Variants in SEC61A1 observed in about 807,000 individuals in gnomAD.
SEC61A1 encodes the protein SEC61 translocon subunit alpha 1, also known as protein transport protein Sec61 subunit alpha isoform 1.
A neutral mutation model predicts 55.2 loss-of-function variants in SEC61A1; 15 were observed. That is an observed-to-expected ratio of 0.27 (90% CI 0.18 to 0.42). The LOEUF is 0.42. Ranked by LOEUF, SEC61A1 falls within the 10% of genes least tolerant of loss-of-function variation. The pLI, the probability that SEC61A1 is intolerant of heterozygous loss-of-function variation, is 1.00. For missense variants in SEC61A1, 284 were observed against 602.6 expected (o/e 0.47, Z 5.53); for synonymous variants, 247 against 234.0 (o/e 1.06, Z -0.51).
chr3:128,053,851 A>C (rs1157760641), intron 2 of SEC61A1, among the ~76,000 whole-genome samples: 1 of 152,188 alleles, frequency 6.6e-6, no homozygotes. Context: ...AAATACGTGC[A>C]AGGTATAGCA....
At chr3:128,065,899 G>A (rs1040353487) in intron 8 of SEC61A1, among the ~76,000 whole-genome samples, 7 of 151,656 alleles carry the variant, frequency 4.6e-5, no homozygotes, top group African/African-American at 1.2e-4. Context: ...CTGTCACCAC[G>A]CCCGGCTAAT....
At chr3:128,055,828 G>T in intron 4 of SEC61A1, 77 bp downstream of exon 4, 1 of 1,174,836 alleles carries the variant, frequency 8.5e-7, no homozygotes, top group South Asian at 1.2e-5. Flanking sequence ...ATAGGCTTTG[G>T]CTTTATATGG....
intron 6 of SEC61A1, 53 bp downstream of exon 6, chr3:128,060,264 A>C (rs1438634872): frequency 2.3e-6 from 3 of 1,308,082 alleles, no homozygotes; most frequent in Non-Finnish European, 3.3e-6. Context: ...CTTACCTACA[A>C]TTCTCACATA....
chr3:128,054,630 AAAGAAC>A (rs1941744858), intron 2 of SEC61A1, among the ~76,000 whole-genome samples: 1 of 22,236 alleles, frequency 4.5e-5, no homozygotes, highest in Admixed American at 4.7e-4. Context: ...AAGTGTTTTT[AAAGAAC>A]ACAGTTTTGT....
At chr3:128,057,632 C>T (rs994791551) in intron 5 of SEC61A1, among the ~76,000 whole-genome samples, 1 of 151,922 alleles carries the variant, frequency 6.6e-6, no homozygotes, top group Non-Finnish European at 1.5e-5. Flanking sequence ...CTGAGGCGGG[C>T]GGATCATCTG....
At chr3:128,069,004 C>T (rs999737236) in intron 11 of SEC61A1, 1 of 152,606 alleles carries the variant, frequency 6.6e-6, no homozygotes, top group African/African-American at 2.4e-5. Context: ...TTAGTTCATT[C>T]TCTTAATATT....
At chr3:128,061,913 T>G (rs1357319482) in intron 7 of SEC61A1, among the ~76,000 whole-genome samples, 1 of 152,180 alleles carries the variant, frequency 6.6e-6, no homozygotes, top group Non-Finnish European at 1.5e-5. Flanking sequence ...GAGGCTCATG[T>G]TCCATTCTGC....
Position 128,060,659 on chromosome 3 carries a change from G to A in SEC61A1, c.614G>A (p.Arg205Gln), listed in dbSNP as rs769682649. 6 of 1,614,024 alleles carry A rather than the reference G, an allele frequency of 3.7e-6. No homozygotes were observed. The highest frequency in any genetic ancestry group is 2.2e-5 in the East Asian group (1 of 44,882). ...AFSPTTVNTG[R>Q]GMEFEGAIIA... Reference sequence around the variant, plus strand: ...AGCCCCACTACTGTCAACACTGGCCGAGGTAAGGGCCCTGTGCTCCCCTGG... The same window carrying A: ...AGCCCCACTACTGTCAACACTGGCCAAGGTAAGGGCCCTGTGCTCCCCTGG... The change falls in exon 7 of 12, where the codon CGA becomes CAA. Residue 205 changes from arginine (R) to glutamine (Q), a missense_variant and splice_region_variant. Physicochemically the swap from Arg to Gln is conservative, Grantham distance 43. Coordinates refer to ENST00000243253, the MANE Select transcript of SEC61A1 (RefSeq NM_013336.4).
intron 8 of SEC61A1, chr3:128,066,716 G>A (rs1310358726): frequency 2.3e-5 from 13 of 554,890 alleles, no homozygotes; most frequent in Admixed American, 1.6e-4. Context: ...AAGTCACCAC[G>A]CCTAGCCTTC....
intron 2 of SEC61A1, among the ~76,000 whole-genome samples, chr3:128,054,449 G>A (rs900695964): frequency 3.3e-5 from 5 of 152,200 alleles, no homozygotes; most frequent in African/African-American, 1.2e-4. Context: ...ATTCTCAAGA[G>A]AAGAAGAGTC....
rs750396475 is a variant in SEC61A1 at position 128,069,615 on chromosome 3, G to A, written c.1384G>A (p.Val462Ile). The change falls in exon 12 of 12, where the codon GTT becomes ATT. Residue 462 changes from valine to isoleucine, a missense_variant. Transcript: ENST00000243253. ...TIIYQYFEIF[V>I]KEQSEVGSMG... is the part of the protein sequence containing the mutation. ...CATCTACCAGTACTTTGAGATCTTC[G>A]TTAAGGAGCAAAGCGAGGTTGGCAG... The A allele has an allele frequency of 3.1e-6, 5 of 1,614,050 alleles. No individual in the cohort carries two copies. Among genetic ancestry groups the A allele is most frequent in the African/African-American group, 1.3e-5 (1 of 74,936 alleles).
At chr3:128,065,085 T>C in intron 8 of SEC61A1, 48 bp downstream of exon 8, 1 of 1,590,592 alleles carries the variant, frequency 6.3e-7, no homozygotes, top group Non-Finnish European at 8.6e-7. Context: ...TGGATTTAAG[T>C]TTCAGAATGC....
intron 2 of SEC61A1, among the ~76,000 whole-genome samples, chr3:128,054,047 T>C (rs1028057974): frequency 6.6e-6 from 1 of 152,170 alleles, no homozygotes; most frequent in Non-Finnish European, 1.5e-5. Context: ...TTGCTATTGA[T>C]AGAACATAAT....
At chr3:128,055,169 T>C (rs898474125) in intron 2 of SEC61A1, among the ~76,000 whole-genome samples, 6 of 152,252 alleles carry the variant, frequency 3.9e-5, no homozygotes, top group African/African-American at 1.4e-4. Context: ...TCTTAACTGT[T>C]AATGCTAATG....
At position 128,067,694 on chromosome 3, in the gene SEC61A1, T is replaced by C; in HGVS notation, c.1167+82T>C. The C allele has an allele frequency of 8.7e-7, 1 of 1,147,158 alleles. No homozygotes were observed. Among genetic ancestry groups the C allele is most frequent in the Non-Finnish European group, 1.3e-6 (1 of 794,910 alleles). The allele number at this position is 1,147,158 out of a possible 1,614,324, so 71.1% of individuals were successfully genotyped here. On this transcript the variant is annotated intron_variant, in intron 10 of 11. Coordinates refer to ENST00000243253, the MANE Select transcript of SEC61A1 (RefSeq NM_013336.4). This position sits in a 1 kb window ranked among gnomAD's most constrained non-coding sequence, Gnocchi z 4.1. ...TGTGGACTTGTCACCTCATCATAAATAATGGTCTGTGACGTGTGCAGATAG... is the reference window on the plus strand; with the variant it reads ...TGTGGACTTGTCACCTCATCATAAACAATGGTCTGTGACGTGTGCAGATAG...
chr3:128,067,362 C>T lies in SEC61A1; in HGVS notation c.976-59C>T. Reference sequence around the variant, plus strand: ...TTTCATCTGCTCAGAACTATTTTTGCCTTGATGCTAAAGTAAAATGAAGGA... The same window carrying T: ...TTTCATCTGCTCAGAACTATTTTTGTCTTGATGCTAAAGTAAAATGAAGGA... On this transcript the variant is annotated intron_variant, in intron 9 of 11. Coordinates refer to ENST00000243253, the MANE Select transcript of SEC61A1 (RefSeq NM_013336.4). This position sits in a 1 kb window ranked among gnomAD's most constrained non-coding sequence, Gnocchi z 4.1. 1.3e-6 allele frequency: 2 copies of T among 1,536,840 alleles called. No individual in the cohort carries two copies. The highest frequency in any genetic ancestry group is 1.9e-5 in the Admixed American group (1 of 51,878).
chr3:128,060,544 G>A lies in SEC61A1; in HGVS notation c.499G>A (p.Glu167Lys). 1.2e-6 allele frequency: 2 copies of A among 1,614,112 alleles called. No individual in the cohort carries two copies. The highest frequency in any genetic ancestry group is 1.7e-6 in the Non-Finnish European group (2 of 1,180,012). Reference sequence around the variant, plus strand: ...TGGCTTAATTGTCCTACTTTTGGATGAACTCCTGCAAAAAGGATATGGCCT... The same window carrying A: ...TGGCTTAATTGTCCTACTTTTGGATAAACTCCTGCAAAAAGGATATGGCCT... ...VAGLIVLLLDELLQKGYGLGS... is the reference protein window; with the variant it reads ...VAGLIVLLLDKLLQKGYGLGS... The change falls in exon 7 of 12, where the codon GAA becomes AAA. Residue 167 changes from glutamate to lysine, a missense_variant. Transcript: ENST00000243253.
In SEC61A1 at chr3:128,060,152, G is replaced by A. The variant is rs374442012; in HGVS notation, c.403G>A (p.Gly135Arg). 5 of 1,613,876 alleles carry A rather than the reference G, an allele frequency of 3.1e-6. No individual in the cohort carries two copies. In the African/African-American group the frequency reaches 4.0e-5, roughly 13 times the overall value. The change falls in exon 6 of 12, where the codon GGG (glycine) becomes AGG (arginine). Residue 135 changes from glycine (G) to arginine (R), a missense_variant. By Grantham distance (125) the Gly-to-Arg change is moderately radical. Coordinates refer to ENST00000243253, the MANE Select transcript of SEC61A1 (RefSeq NM_013336.4). ...IGQSIVYVMT[G>R]MYGDPSEMGA... Reference sequence around the variant, plus strand: ...CCAGTCTATCGTGTATGTGATGACCGGGATGTATGGGGACCCTTCTGAAAT... The same window carrying A: ...CCAGTCTATCGTGTATGTGATGACCAGGATGTATGGGGACCCTTCTGAAAT...
intron 5 of SEC61A1, among the ~76,000 whole-genome samples, chr3:128,058,996 C>T (rs949745318): frequency 1.3e-5 from 2 of 152,158 alleles, no homozygotes; most frequent in African/African-American, 4.8e-5. Context: ...CAAATAGGGA[C>T]TGTATTTGAT....
Sources: gnomAD v4.1 joint callset for allele counts (sites outside exome capture counted in the v4.1 genomes callset) on GRCh38, gnomAD v4.1.1 for gene constraint, Gnocchi (gnomAD v3.1) non-coding constraint, MANE v1.5 for transcripts, NCBI Gene and HGNC (gene_info 2026-07-23, HGNC 2026-07-21) for gene names.